Variants in ATP8A2 observed in about 807,000 individuals in gnomAD.
ATP8A2 encodes the protein ATPase phospholipid transporting 8A2, also known as phospholipid-transporting ATPase IB.
ATP8A2 carries 100 observed loss-of-function variants against 165.6 expected under a neutral mutation model. The ratio of observed to expected loss-of-function variants is 0.60; its 90% CI spans 0.51 to 0.71. The LOEUF (loss-of-function observed/expected upper bound fraction) is 0.71. Among genes scored for constraint, ATP8A2 ranks in the 30% least tolerant of loss-of-function variants. The pLI is 0.00. For synonymous variants in ATP8A2, 543 were observed against 548.8 expected, an observed-to-expected ratio of 0.99 and a Z score of 0.15; for missense variants, 1,227 against 1,479.5, an observed-to-expected ratio of 0.83 and a Z score of 2.80.
intron 27 of ATP8A2, among the ~76,000 whole-genome samples, chr13:25,821,841 A>T (rs1232644808): frequency 6.6e-6 from 1 of 152,164 alleles, no homozygotes; most frequent in African/African-American, 2.4e-5. Flanking sequence ...ACATTTCCAG[A>T]TCCTGTCAAA....
intron 25 of ATP8A2, among the ~76,000 whole-genome samples, chr13:25,724,151 A>G (rs2043444229): frequency 6.6e-6 from 1 of 152,192 alleles, no homozygotes; most frequent in Non-Finnish European, 1.5e-5. Flanking sequence ...TTGATTTTAC[A>G]CTTGGGAGAC....
chr13:25,645,273 CTA>C (rs1198527336), intron 24 of ATP8A2, among the ~76,000 whole-genome samples: 4 of 152,162 alleles, frequency 2.6e-5, no homozygotes, highest in African/African-American at 9.7e-5. Context: ...TCTTGTGAGA[CTA>C]TTCAGTATCA....
chr13:25,461,269 A>G (rs2035496494), intron 1 of ATP8A2, among the ~76,000 whole-genome samples: 3 of 152,172 alleles, frequency 2.0e-5, no homozygotes, highest in African/African-American at 7.2e-5. Context: ...GGCCTTCGAA[A>G]TGTGTCTGCC....
intron 34 of ATP8A2, among the ~76,000 whole-genome samples, chr13:25,962,254 A>T (rs952975169): frequency 6.6e-6 from 1 of 152,142 alleles, no homozygotes; most frequent in African/African-American, 2.4e-5. Context: ...GCTTAGAGGG[A>T]AGCTATGTAT....
At chr13:25,581,687 A>T in intron 22 of ATP8A2, 132 bp from the exon 23 acceptor site, 1 of 885,584 alleles carries the variant, frequency 1.1e-6, no homozygotes, top group Non-Finnish European at 1.8e-6. Flanking sequence ...TGCCATCTGT[A>T]GACACAAGTA....
At chr13:25,624,554 C>T (rs1264890548) in intron 24 of ATP8A2, among the ~76,000 whole-genome samples, 4 of 152,116 alleles carry the variant, frequency 2.6e-5, no homozygotes, top group African/African-American at 9.7e-5. Flanking sequence ...AATGGTGCCT[C>T]TATTAGAGAG....
chr13:25,756,732 G>C (rs2044270955), intron 25 of ATP8A2, among the ~76,000 whole-genome samples: 5 of 152,244 alleles, frequency 3.3e-5, no homozygotes, highest in African/African-American at 1.2e-4. Context: ...CCAATGCGTG[G>C]AAAGCACTTA....
intron 33 of ATP8A2, among the ~76,000 whole-genome samples, chr13:25,906,552 C>T (rs1294373607): frequency 6.6e-6 from 1 of 152,010 alleles, no homozygotes; most frequent in African/African-American, 2.4e-5. Context: ...TGCTCTTGTT[C>T]TTCCTGTATG....
chr13:25,672,752 G>A (rs35884538), intron 24 of ATP8A2, among the ~76,000 whole-genome samples: 53,523 of 151,916 alleles, frequency 0.35, 10,423 homozygotes, highest in Middle Eastern at 0.46. Context: ...GTACCAGTAG[G>A]TCCCAGTTCT....
At chr13:25,540,935 T>C (rs1029669174) in intron 8 of ATP8A2, among the ~76,000 whole-genome samples, 2 of 151,798 alleles carry the variant, frequency 1.3e-5, no homozygotes, top group Admixed American at 6.6e-5. Context: ...GACCTCGGCT[T>C]ACTACAACCT....
At chr13:25,377,541 T>C (rs1201174079) in intron 1 of ATP8A2, among the ~76,000 whole-genome samples, 2 of 152,230 alleles carry the variant, frequency 1.3e-5, no homozygotes, top group African/African-American at 4.8e-5. Flanking sequence ...GGCTCATGTC[T>C]GCAATCCCAG....
chr13:25,938,553 C>A (rs1179253624), intron 33 of ATP8A2, among the ~76,000 whole-genome samples: 1 of 151,736 alleles, frequency 6.6e-6, no homozygotes, highest in African/African-American at 2.4e-5. Context: ...GTGTGTGTTT[C>A]ACCTGAATTA....
intron 1 of ATP8A2, among the ~76,000 whole-genome samples, chr13:25,427,231 G>A (rs2138128968): frequency 6.6e-6 from 1 of 152,126 alleles, no homozygotes; most frequent in East Asian, 1.9e-4. Flanking sequence ...ATCAGCGGCA[G>A]CATTAGACTG....
chr13:25,753,510 A>G (rs1239514233), intron 25 of ATP8A2, among the ~76,000 whole-genome samples: 1 of 152,088 alleles, frequency 6.6e-6, no homozygotes, highest in Admixed American at 6.6e-5. Context: ...GTCCACAAAT[A>G]CTCTCTGAGT....
intron 33 of ATP8A2, among the ~76,000 whole-genome samples, chr13:25,869,068 C>CAAA (rs60945309): frequency 5.4e-4 from 39 of 72,292 alleles, no homozygotes; most frequent in East Asian, 8.9e-4. Context: ...GACTCCGTCT[C>CAAA]AAAAAAAAAA....
chr13:25,670,535 A>T (rs1438776466), intron 24 of ATP8A2, among the ~76,000 whole-genome samples: 2 of 152,288 alleles, frequency 1.3e-5, no homozygotes, highest in East Asian at 3.9e-4. Flanking sequence ...CAGTTTAGCT[A>T]TATAAGGTGA....
At chr13:25,398,090 G>T (rs776364426) in intron 1 of ATP8A2, among the ~76,000 whole-genome samples, 30 of 152,128 alleles carry the variant, frequency 2.0e-4, no homozygotes, top group Non-Finnish European at 3.8e-4. Context: ...TAATCTCTTG[G>T]ATCAGGAAAA....
At chr13:25,423,294 C>T (rs1199518317) in intron 1 of ATP8A2, among the ~76,000 whole-genome samples, 2 of 152,102 alleles carry the variant, frequency 1.3e-5, no homozygotes, top group Non-Finnish European at 2.9e-5. Context: ...GATAGCTTTC[C>T]TTATTTGTAT....
chr13:25,627,192 A>C (rs1216741594), intron 24 of ATP8A2, among the ~76,000 whole-genome samples: 2 of 152,152 alleles, frequency 1.3e-5, no homozygotes, highest in African/African-American at 2.4e-5. Context: ...TAGCAAATGC[A>C]AATCCGCCAA....
Sources: gnomAD v4.1 joint callset for allele counts (sites outside exome capture counted in the v4.1 genomes callset) on GRCh38, gnomAD v4.1.1 for gene constraint, MANE v1.5 for transcripts, NCBI Gene and HGNC (gene_info 2026-07-23, HGNC 2026-07-21) for gene names.